FNDC3B: variants seen among roughly 807,000 people sequenced by gnomAD.
FNDC3B encodes fibronectin type III domain-containing protein 3B.
Under a neutral mutation model 151.5 loss-of-function variants are expected in FNDC3B, and 12 were observed. The observed-to-expected ratio is 0.08, with a 90% CI of 0.05 to 0.13. FNDC3B has a LOEUF of 0.13. Ranked by LOEUF, FNDC3B falls within the 10% of genes least tolerant of loss-of-function variation. FNDC3B has a pLI of 1.00. For synonymous variants in FNDC3B, 528 were observed against 549.0 expected, an observed-to-expected ratio of 0.96 and a Z score of 0.54; for missense variants, 1,214 against 1,505.3, an observed-to-expected ratio of 0.81 and a Z score of 3.20.
At chr3:172,391,231 T>C (rs139572760) in intron 25 of FNDC3B, among the ~76,000 whole-genome samples, 84 of 152,336 alleles carry the variant, frequency 5.5e-4, no homozygotes, top group Non-Finnish European at 9.4e-4. Context: ...TTAAGAAGAT[T>C]AAATTCAATA....
chr3:172,200,263 T>C (rs1725078181), intron 3 of FNDC3B, among the ~76,000 whole-genome samples: 1 of 152,112 alleles, frequency 6.6e-6, no homozygotes, highest in Admixed American at 6.5e-5. Flanking sequence ...CACACAGACA[T>C]GAGGAGAAGA....
intron 2 of FNDC3B, among the ~76,000 whole-genome samples, chr3:172,115,870 A>G (rs1720222614): frequency 6.6e-6 from 1 of 152,216 alleles, no homozygotes; most frequent in Non-Finnish European, 1.5e-5. Context: ...TGCAAAGGAC[A>G]TTCTAAACAT....
chr3:172,326,753 CACAA>C (rs1344441343), intron 11 of FNDC3B, among the ~76,000 whole-genome samples: 2 of 152,110 alleles, frequency 1.3e-5, no homozygotes, highest in Non-Finnish European at 2.9e-5. Flanking sequence ...TCGTTTGAGC[CACAA>C]ACAGTCTGGT....
chr3:172,130,998 TA>T (rs1372483934), intron 2 of FNDC3B, among the ~76,000 whole-genome samples: 10 of 152,214 alleles, frequency 6.6e-5, no homozygotes, highest in Non-Finnish European at 1.0e-4. Context: ...TAATTGTCTG[TA>T]TTGAAGTGTG....
rs1396482802 is a variant in FNDC3B, at chr3:172,310,808, CAT to C, written c.1201-19_1201-18del. 1 of 1,590,846 alleles carries C rather than the reference CAT, an allele frequency of 6.3e-7. No homozygotes were observed. Among genetic ancestry groups the C allele is most frequent in the African/African-American group, 1.3e-5 (1 of 74,468 alleles). On this transcript the variant is annotated intron_variant, in intron 10 of 25. Transcript: ENST00000415807. ...GTCTGTGAACAACTTTCTCTAATCTCATGTTACTATTTTTTTTAGGCACCAAT... is the reference window on the plus strand; with the variant it reads ...GTCTGTGAACAACTTTCTCTAATCTCGTTACTATTTTTTTTAGGCACCAAT...
chr3:172,282,705 G>C (rs1729802300), intron 6 of FNDC3B, among the ~76,000 whole-genome samples: 1 of 152,058 alleles, frequency 6.6e-6, no homozygotes, highest in Non-Finnish European at 1.5e-5. Flanking sequence ...TCCACCTCAA[G>C]GCCAACACCC....
At chr3:172,272,434 G>A (rs1729241706) in intron 6 of FNDC3B, among the ~76,000 whole-genome samples, 1 of 152,128 alleles carries the variant, frequency 6.6e-6, no homozygotes, top group African/African-American at 2.4e-5. Flanking sequence ...TCACAGCTCT[G>A]AGACCACATC....
chr3:172,367,217 T>C (rs1305012001), intron 23 of FNDC3B, among the ~76,000 whole-genome samples: 1 of 152,192 alleles, frequency 6.6e-6, no homozygotes, highest in African/African-American at 2.4e-5. Flanking sequence ...AAAGTAGTGC[T>C]TCATATTTAT....
chr3:172,304,832 G>A (rs1415782888), intron 9 of FNDC3B, among the ~76,000 whole-genome samples: 1 of 151,928 alleles, frequency 6.6e-6, no homozygotes, highest in Admixed American at 6.6e-5. Flanking sequence ...GGGAGGCAGA[G>A]GTTGCAGTAA....
intron 10 of FNDC3B, among the ~76,000 whole-genome samples, 158 bp downstream of exon 10, chr3:172,307,659 A>C (rs1731264941): frequency 6.6e-6 from 1 of 152,074 alleles, no homozygotes. Flanking sequence ...ACGCCACTGC[A>C]CTCCACCCTG....
At chr3:172,339,436 G>A (rs1162189420) in intron 16 of FNDC3B, among the ~76,000 whole-genome samples, 1 of 152,092 alleles carries the variant, frequency 6.6e-6, no homozygotes, top group Non-Finnish European at 1.5e-5. Context: ...GGTGGCATGT[G>A]CCTGTAATTC....
At chr3:172,385,286 T>C (rs1464186545) in intron 25 of FNDC3B, among the ~76,000 whole-genome samples, 1 of 152,188 alleles carries the variant, frequency 6.6e-6, no homozygotes, top group African/African-American at 2.4e-5. Context: ...CTGCTGTACA[T>C]CCACCACAGC....
At chr3:172,150,109 G>T (rs1313307514) in intron 3 of FNDC3B, among the ~76,000 whole-genome samples, 1 of 151,972 alleles carries the variant, frequency 6.6e-6, no homozygotes, top group Non-Finnish European at 1.5e-5. Flanking sequence ...GAGCCACCAC[G>T]CCCAGCCATG....
At chr3:172,198,797 G>A (rs1724981846) in intron 3 of FNDC3B, among the ~76,000 whole-genome samples, 1 of 152,136 alleles carries the variant, frequency 6.6e-6, no homozygotes, top group Admixed American at 6.5e-5. Flanking sequence ...TGGAGGTAGG[G>A]AATAGGAACA....
intron 1 of FNDC3B, among the ~76,000 whole-genome samples, chr3:172,111,362 T>G (rs982393394): frequency 1.3e-5 from 2 of 152,184 alleles, no homozygotes; most frequent in African/African-American, 4.8e-5. Context: ...GCTTGGTACT[T>G]TTATTTGCTT....
At chr3:172,276,135 G>A (rs1262283807) in intron 6 of FNDC3B, among the ~76,000 whole-genome samples, 2 of 152,198 alleles carry the variant, frequency 1.3e-5, no homozygotes, top group African/African-American at 4.8e-5. Flanking sequence ...GGTAAGAGTA[G>A]CTTTTAACAA....
intron 1 of FNDC3B, among the ~76,000 whole-genome samples, chr3:172,051,517 A>C (rs1716653220): frequency 6.6e-6 from 1 of 152,120 alleles, no homozygotes; most frequent in Non-Finnish European, 1.5e-5. Context: ...AGCACCTTTC[A>C]ATAAGAATGA....
chr3:172,181,414 A>AC (rs1491258673), intron 3 of FNDC3B, among the ~76,000 whole-genome samples: 5 of 122,268 alleles, frequency 4.1e-5, no homozygotes, highest in East Asian at 2.2e-4. Context: ...AAAAAAAAAA[A>AC]CAAAAAAAAA....
At chr3:172,224,825 G>A (rs1197916981) in intron 3 of FNDC3B, among the ~76,000 whole-genome samples, 1 of 152,210 alleles carries the variant, frequency 6.6e-6, no homozygotes, top group Non-Finnish European at 1.5e-5. Context: ...TTGGAGCCAG[G>A]AAGTCGCATC....
Sources: gnomAD v4.1 joint callset for allele counts (sites outside exome capture counted in the v4.1 genomes callset) on GRCh38, gnomAD v4.1.1 for gene constraint, MANE v1.5 for transcripts, NCBI Gene and HGNC (gene_info 2026-07-23, HGNC 2026-07-21) for gene names.